Variants in PCDHGB2 observed in about 807,000 individuals in gnomAD.
PCDHGB2 encodes protocadherin gamma-B2.
In PCDHGB2, 55 loss-of-function variants were observed where a neutral mutation model predicts 59.3. That is an observed-to-expected ratio of 0.93 (90% CI 0.75 to 1.16). The LOEUF (loss-of-function observed/expected upper bound fraction) is 1.16. Among genes scored for constraint, PCDHGB2 ranks in the 50% most tolerant of loss-of-function variants. PCDHGB2 has a pLI of 0.00. For synonymous variants in PCDHGB2, 516 were observed against 512.0 expected (o/e 1.01, Z -0.11); for missense variants, 1,228 against 1,198.5 (o/e 1.02, Z -0.36).
At chr5:141,394,991 G>C (rs1282662717) in intron 1 of PCDHGB2, 1 of 1,614,012 alleles carries the variant, frequency 6.2e-7, no homozygotes, top group East Asian at 2.2e-5. Flanking sequence ...GCCTGCTCCA[G>C]GATTCCGGTG....
At chr5:141,393,820 C>T (rs2092851099) in intron 1 of PCDHGB2, 1 of 1,613,918 alleles carries the variant, frequency 6.2e-7, no homozygotes, top group Non-Finnish European at 8.5e-7. Context: ...TTGCTCATTT[C>T]GGTGGAAGAT....
chr5:141,361,828 C>T lies in PCDHGB2; in HGVS notation c.1693C>T (p.Pro565Ser). ...TGACAATGCGCCACGGGTGCTGTAC[C>T]CCGCGCTGGGGCCTGATGGCTCCGC... ...LNDNAPRVLY[P>S]ALGPDGSALF... The change falls in exon 1 of 4, where the codon CCC becomes TCC. Residue 565 changes from proline (P) to serine (S), a missense_variant. This residue lies in a region of PCDHGB2 where 781 missense variants were observed against 721.6 expected (regional missense o/e 1.08). Coordinates refer to ENST00000522605, the MANE Select transcript of PCDHGB2 (RefSeq NM_018923.3). The T allele has an allele frequency of 6.2e-7, 1 of 1,613,014 alleles. No homozygotes were observed. Among genetic ancestry groups the T allele is most frequent in the Non-Finnish European group, 8.5e-7 (1 of 1,179,746 alleles).
chr5:141,426,238 T>C, intron 1 of PCDHGB2: 1 of 158,644 alleles, frequency 6.3e-6, no homozygotes, highest in Admixed American at 5.9e-5. Context: ...AAGCACTTTG[T>C]GAAACATTTT....
At chr5:141,384,205 ACT>A (rs1561601043) in intron 1 of PCDHGB2, 2 of 1,613,874 alleles carry the variant, frequency 1.2e-6, no homozygotes, top group East Asian at 2.2e-5. Context: ...GTCCAGGGAA[ACT>A]CACATATTCA....
At chr5:141,370,972 A>G in intron 1 of PCDHGB2, 1 of 1,614,000 alleles carries the variant, frequency 6.2e-7, no homozygotes, top group Non-Finnish European at 8.5e-7. Context: ...AGGTACCCAG[A>G]GCTAGTACTG....
intron 1 of PCDHGB2, chr5:141,374,996 G>A: frequency 1.9e-6 from 3 of 1,614,006 alleles, no homozygotes; most frequent in Non-Finnish European, 2.5e-6. Context: ...TTCAACTTCT[G>A]CAAATCTAGA....
At chr5:141,466,684 G>A (rs1337230884) in intron 1 of PCDHGB2, among the ~76,000 whole-genome samples, 1 of 152,034 alleles carries the variant, frequency 6.6e-6, no homozygotes, top group Non-Finnish European at 1.5e-5. Flanking sequence ...TTCCACTCAA[G>A]CTTCATCATA....
At chr5:141,415,366 G>T in intron 1 of PCDHGB2, 1 of 1,614,252 alleles carries the variant, frequency 6.2e-7, no homozygotes, top group South Asian at 1.1e-5. Flanking sequence ...CCTGCTGCAG[G>T]CTTCAGGAGG....
chr5:141,478,424 G>A, intron 1 of PCDHGB2: 2 of 1,613,686 alleles, frequency 1.2e-6, no homozygotes, highest in African/African-American at 1.3e-5. Context: ...CCGCCGCAGC[G>A]ACCCGCTGCT....
At chr5:141,385,389 C>T in intron 1 of PCDHGB2, 2 of 1,506,522 alleles carry the variant, frequency 1.3e-6, no homozygotes, top group Non-Finnish European at 1.8e-6. Flanking sequence ...TATTATTTTG[C>T]AAAACAAATG....
At chr5:141,371,550 C>T in intron 1 of PCDHGB2, 1 of 1,613,828 alleles carries the variant, frequency 6.2e-7, no homozygotes, top group South Asian at 1.1e-5. Context: ...CCTATGCCAA[C>T]TAAAAGGAAA....
rs2149992111 is a variant in PCDHGB2 at position 141,371,797 on chromosome 5, G to A, written c.2421+9241G>A. On this transcript the variant is annotated intron_variant, in intron 1 of 3. Transcript: ENST00000522605. ...CATGTAGCTGAGAACAATCCGCCTG[G>A]AGCCTCCATTGCGCATGTCAGAGCC... 1.9e-6 allele frequency: 3 copies of A among 1,613,898 alleles called. No homozygotes were observed. In the East Asian group the frequency reaches 6.7e-5, roughly 36 times the overall value.
intron 1 of PCDHGB2, among the ~76,000 whole-genome samples, chr5:141,400,971 C>T (rs1161811260): frequency 6.6e-6 from 1 of 152,138 alleles, no homozygotes; most frequent in African/African-American, 2.4e-5. Flanking sequence ...TCATCTCTTT[C>T]TTATGTTCCT....
At position 141,385,168 on chromosome 5, in the gene PCDHGB2, G is replaced by T. The variant is rs376175214; in HGVS notation, c.2421+22612G>T. On this transcript the variant is annotated intron_variant, in intron 1 of 3. Transcript: ENST00000522605. ...TTTCCTGCAGACCTATTCCCATGAG[G>T]TCTCCCTCACCGCGGACTCTCGGAA... 1.5e-5 allele frequency: 24 copies of T among 1,614,100 alleles called. No individual in the cohort carries two copies. Among genetic ancestry groups the T allele is most frequent in the Non-Finnish European group, 2.0e-5 (24 of 1,180,058 alleles).
intron 1 of PCDHGB2, among the ~76,000 whole-genome samples, chr5:141,402,210 TTAAAA>T (rs1240114840): frequency 6.6e-6 from 1 of 152,008 alleles, no homozygotes; most frequent in African/African-American, 2.4e-5. Context: ...ATACAAAAAT[TTAAAA>T]TAAACGTTTT....
chr5:141,433,358 CCTATCTAT>C lies in PCDHGB2; in HGVS notation c.2422-61408_2422-61401del, dbSNP rs3074541. On this transcript the variant is annotated intron_variant, in intron 1 of 3. Transcript: ENST00000522605. ...ACAGGTGCAAGCCACCTACTGTCTG[CCTATCTAT>C]CTATCTATCTATCTATCTATCTATC... is the stretch of plus-strand genomic sequence containing the variant. The C allele has an allele frequency of 7.0e-3, 3,504 of 501,060 alleles. 20 individuals carry two copies. The highest frequency in any genetic ancestry group is 7.9e-3 in the Non-Finnish European group (2,251 of 285,142). The allele number at this position is 501,060 out of a possible 1,614,324, so 31.0% of individuals were successfully genotyped here.
chr5:141,373,326 G>A (rs1419997594), intron 1 of PCDHGB2, among the ~76,000 whole-genome samples: 3 of 152,172 alleles, frequency 2.0e-5, no homozygotes, highest in East Asian at 3.8e-4. Context: ...AGAAATAATG[G>A]CATCTAAAAT....
rs747722740 is a variant in PCDHGB2, at chr5:141,485,835, C to G, written c.2422-8972C>G. 3 of 1,614,190 alleles carry G rather than the reference C, an allele frequency of 1.9e-6. No homozygotes were observed. In the South Asian group the frequency reaches 3.3e-5, roughly 18 times the overall value. On this transcript the variant is annotated intron_variant, in intron 1 of 3. Transcript: ENST00000522605. This position sits in a 1 kb window ranked among gnomAD's most constrained non-coding sequence, Gnocchi z 5.7. ...ACTGCTGTCGATGGAGGGAACCCGC[C>G]GAGATCTGGCACCGCAGAGCTCCGG...
At position 141,486,548 on chromosome 5, in the gene PCDHGB2, T is replaced by C; in HGVS notation, c.2422-8259T>C. 1 of 1,614,100 alleles carries C rather than the reference T, an allele frequency of 6.2e-7. No individual in the cohort carries two copies. ...TAATCCACCCTCTTTCTTTCAGAGG[T>C]CACATGAGGTGTTTGTTCCTGAGAA... is the stretch of plus-strand genomic sequence containing the variant. On this transcript the variant is annotated intron_variant, in intron 1 of 3. Coordinates refer to ENST00000522605, the MANE Select transcript of PCDHGB2 (RefSeq NM_018923.3). The surrounding 1 kb of genome is among the most constrained non-coding windows in gnomAD (Gnocchi z 5.0).
Sources: gnomAD v4.1 joint callset for allele counts (sites outside exome capture counted in the v4.1 genomes callset) on GRCh38, gnomAD v4.1.1 for gene constraint, gnomAD v4.1.1 regional missense constraint, Gnocchi (gnomAD v3.1) non-coding constraint, MANE v1.5 for transcripts, NCBI Gene and HGNC (gene_info 2026-07-23, HGNC 2026-07-21) for gene names.